Variants in RBFOX1 observed in about 807,000 individuals in gnomAD.
RBFOX1 encodes RNA binding protein fox-1 homolog 1.
A neutral mutation model predicts 57.7 loss-of-function variants in RBFOX1; 8 were observed. The observed-to-expected ratio is 0.14, with a 90% CI of 0.08 to 0.25. The LOEUF (loss-of-function observed/expected upper bound fraction) is 0.25. RBFOX1 is among the 10% of genes least tolerant of loss of function. RBFOX1 has a pLI of 1.00. For missense variants in RBFOX1, 611 were observed against 548.5 expected (o/e 1.11, Z -1.14); for synonymous variants, 326 against 222.4 (o/e 1.47, Z -4.15).
At chr16:6,317,666 T>C (rs1265744350) in intron 2 of RBFOX1, among the ~76,000 whole-genome samples, 1 of 152,198 alleles carries the variant, frequency 6.6e-6, no homozygotes, top group African/African-American at 2.4e-5. Flanking sequence ...ACTTTATTTT[T>C]GGTGAAGGTA....
chr16:6,072,225 A>G (rs2152487292), intron 1 of RBFOX1, among the ~76,000 whole-genome samples: 1 of 151,950 alleles, frequency 6.6e-6, no homozygotes, highest in South Asian at 2.1e-4. Flanking sequence ...ATGGGGTAAA[A>G]CCCACCCCCC....
intron 2 of RBFOX1, among the ~76,000 whole-genome samples, chr16:6,359,984 A>G (rs764449328): frequency 2.0e-5 from 3 of 152,326 alleles, no homozygotes; most frequent in Middle Eastern, 3.4e-3. Context: ...TTAATTGTTA[A>G]TTAGAGAATG....
intron 5 of RBFOX1, among the ~76,000 whole-genome samples, chr16:7,562,236 G>A (rs576079875): frequency 1.3e-5 from 2 of 152,294 alleles, no homozygotes; most frequent in Admixed American, 1.3e-4. Flanking sequence ...TTTATCTGGG[G>A]ATTTATAAAA....
At chr16:5,501,318 C>CACA (rs2043187505) in intron 2 of RBFOX1, among the ~76,000 whole-genome samples, 1 of 64,894 alleles carries the variant, frequency 1.5e-5, no homozygotes, top group African/African-American at 4.7e-5. Context: ...ACTCTGTCTA[C>CACA]AAAAAAAAAA....
At chr16:6,020,535 T>G (rs1211638312) in intron 1 of RBFOX1, among the ~76,000 whole-genome samples, 1 of 152,126 alleles carries the variant, frequency 6.6e-6, no homozygotes, top group South Asian at 2.1e-4. Flanking sequence ...CTGGAATCGA[T>G]GCCCCGCGGT....
chr16:6,611,064 G>A (rs867005930), intron 2 of RBFOX1, among the ~76,000 whole-genome samples: 1 of 152,130 alleles, frequency 6.6e-6, no homozygotes. Flanking sequence ...TTACCATTAA[G>A]GCCTAAGAAG....
intron 3 of RBFOX1, among the ~76,000 whole-genome samples, chr16:5,830,349 A>C (rs2056220816): frequency 6.6e-6 from 1 of 151,540 alleles, no homozygotes; most frequent in South Asian, 2.1e-4. Flanking sequence ...ACCTAATGAG[A>C]TCATTAAATT....
intron 3 of RBFOX1, among the ~76,000 whole-genome samples, chr16:6,761,267 G>A (rs1297115362): frequency 6.6e-6 from 1 of 152,010 alleles, no homozygotes; most frequent in Non-Finnish European, 1.5e-5. Flanking sequence ...CCGTCCGAAG[G>A]GCTAAGTGAT....
chr16:7,539,466 G>A (rs1029637761), intron 5 of RBFOX1, among the ~76,000 whole-genome samples: 1 of 152,168 alleles, frequency 6.6e-6, no homozygotes, highest in African/African-American at 2.4e-5. Context: ...ATAATATAAA[G>A]AGCGTATTTT....
chr16:5,283,800 T>C (rs1205989437), intron 1 of RBFOX1, among the ~76,000 whole-genome samples: 2 of 152,190 alleles, frequency 1.3e-5, no homozygotes, highest in Non-Finnish European at 2.9e-5. Context: ...GGATTTGCCT[T>C]GTGTCACATG....
chr16:7,310,353 C>A (rs891547501), intron 4 of RBFOX1, among the ~76,000 whole-genome samples: 1 of 152,084 alleles, frequency 6.6e-6, no homozygotes, highest in Non-Finnish European at 1.5e-5. Context: ...TTCTGATCTT[C>A]CTGTCATGCT....
intron 1 of RBFOX1, among the ~76,000 whole-genome samples, chr16:6,258,006 T>A (rs2097679097): frequency 6.6e-6 from 1 of 152,206 alleles, no homozygotes; most frequent in Non-Finnish European, 1.5e-5. Flanking sequence ...CCACACTGCC[T>A]TCTACAAAGG....
intron 4 of RBFOX1, among the ~76,000 whole-genome samples, chr16:7,283,364 C>G (rs2095585951): frequency 1.3e-5 from 2 of 152,036 alleles, no homozygotes; most frequent in Admixed American, 1.3e-4. Context: ...GAGAAGATCT[C>G]ATTGAACCAG....
intron 4 of RBFOX1, among the ~76,000 whole-genome samples, chr16:7,501,568 T>A (rs549908228): frequency 6.6e-6 from 1 of 152,204 alleles, no homozygotes; most frequent in Non-Finnish European, 1.5e-5. Flanking sequence ...ATTTTATAGG[T>A]CCTATGTCTC....
chr16:7,488,373 C>G (rs897960988), intron 4 of RBFOX1, among the ~76,000 whole-genome samples: 2 of 152,110 alleles, frequency 1.3e-5, no homozygotes, highest in Admixed American at 1.3e-4. Context: ...AGATATACAA[C>G]TATGTACAGA....
At chr16:5,570,513 C>A (rs1239615536) in intron 2 of RBFOX1, among the ~76,000 whole-genome samples, 3 of 152,140 alleles carry the variant, frequency 2.0e-5, no homozygotes, top group African/African-American at 7.2e-5. Context: ...CAGGTCAGGT[C>A]AGCCTCTGAT....
chr16:7,196,536 T>G (rs1400103535), intron 4 of RBFOX1, among the ~76,000 whole-genome samples: 4 of 152,220 alleles, frequency 2.6e-5, no homozygotes, highest in Non-Finnish European at 4.4e-5. Flanking sequence ...ACCGGCTCTT[T>G]AAATGCACAA....
intron 1 of RBFOX1, among the ~76,000 whole-genome samples, chr16:6,237,754 A>T (rs2097516864): frequency 6.6e-6 from 1 of 152,014 alleles, no homozygotes; most frequent in South Asian, 2.1e-4. Context: ...AATAAAACAA[A>T]ATAAAATTAA....
intron 9 of RBFOX1, among the ~76,000 whole-genome samples, chr16:7,605,987 T>A (rs1473062770): frequency 6.6e-6 from 1 of 152,102 alleles, no homozygotes; most frequent in Non-Finnish European, 1.5e-5. Context: ...TTTGTATTTT[T>A]AGTAGAGTCA....
Sources: allele counts gnomAD v4.1 joint callset (sites outside exome capture counted in the v4.1 genomes callset), GRCh38; gene constraint gnomAD v4.1.1; transcripts MANE v1.5; gene names NCBI Gene and HGNC (gene_info 2026-07-23, HGNC 2026-07-21).